Variants in RASSF8 observed in about 807,000 individuals in gnomAD.
RASSF8 encodes Ras association domain family member 8.
RASSF8 carries 22 observed loss-of-function variants against 48.5 expected under a neutral mutation model. The observed-to-expected ratio is 0.45, with a 90% CI of 0.32 to 0.65. The LOEUF (loss-of-function observed/expected upper bound fraction) is 0.65, where lower values mean the gene tolerates loss of function less well. Ranked by LOEUF, RASSF8 falls within the 30% of genes least tolerant of loss-of-function variation. RASSF8 has a pLI of 0.03. For missense variants in RASSF8, 418 were observed against 489.2 expected, an observed-to-expected ratio of 0.85 and a Z score of 1.37; for synonymous variants, 127 against 171.5, an observed-to-expected ratio of 0.74 and a Z score of 2.03.
At chr12:25,967,896 T>G (rs1358489532) in intron 1 of RASSF8, among the ~76,000 whole-genome samples, 1 of 152,216 alleles carries the variant, frequency 6.6e-6, no homozygotes, top group African/African-American at 2.4e-5. Flanking sequence ...GTTCAAGTCA[T>G]GCAAGGATGG....
At chr12:26,033,737 A>G (rs945393330) in intron 2 of RASSF8, among the ~76,000 whole-genome samples, 5 of 152,130 alleles carry the variant, frequency 3.3e-5, no homozygotes, top group Non-Finnish European at 5.9e-5. Flanking sequence ...TGCATTTAAT[A>G]TGCACATCTG....
At chr12:25,985,496 G>C (rs1250303172) in intron 1 of RASSF8, among the ~76,000 whole-genome samples, 1 of 152,162 alleles carries the variant, frequency 6.6e-6, no homozygotes, top group Non-Finnish European at 1.5e-5. Flanking sequence ...CAGTTCATCT[G>C]GCCAGGGCCT....
At chr12:26,029,125 A>G (rs1012901844) in intron 2 of RASSF8, among the ~76,000 whole-genome samples, 2 of 152,144 alleles carry the variant, frequency 1.3e-5, no homozygotes, top group South Asian at 2.1e-4. Context: ...TCTCTCTTCT[A>G]CCAGGGAACT....
At position 25,979,274 on chromosome 12, in the gene RASSF8, CAAG is replaced by C. The variant is rs1941682055; in HGVS notation, c.-202-15758_-202-15756del. Among the ~76,000 whole-genome samples, 4 of 151,780 alleles carry C rather than the reference CAAG, an allele frequency of 2.6e-5. No homozygotes were observed. The South Asian group carries it at 8.3e-4, about 32-fold the overall frequency. On this transcript the variant is annotated intron_variant, in intron 1 of 5. Coordinates refer to ENST00000689635, the MANE Select transcript of RASSF8 (RefSeq NM_001394098.1). Reference sequence around the variant, plus strand: ...GGGAGCTCTAGCAGCTGGCCCCAGGCAAGAAGAGAAGCTGAGAGAGAGAAAATG... The same window carrying C: ...GGGAGCTCTAGCAGCTGGCCCCAGGCAAGAGAAGCTGAGAGAGAGAAAATG...
chr12:26,058,542 A>G (rs200880280), intron 3 of RASSF8, among the ~76,000 whole-genome samples: 1,498 of 64,436 alleles, frequency 0.023, 9 homozygotes, highest in Non-Finnish European at 0.036. Context: ...GCGCGCGCAC[A>G]CACACACACA....
intron 2 of RASSF8, among the ~76,000 whole-genome samples, chr12:26,006,271 A>G (rs1469511395): frequency 6.6e-6 from 1 of 152,162 alleles, no homozygotes; most frequent in Non-Finnish European, 1.5e-5. Flanking sequence ...TATATCATCT[A>G]GAGTGATTAA....
intron 2 of RASSF8, among the ~76,000 whole-genome samples, chr12:26,047,752 G>A (rs763197989): frequency 2.6e-5 from 4 of 152,194 alleles, no homozygotes; most frequent in African/African-American, 9.7e-5. Context: ...CACCTGCCTG[G>A]GTCCCTTCAG....
intron 1 of RASSF8, among the ~76,000 whole-genome samples, chr12:25,979,243 G>C (rs1486955159): frequency 1.3e-5 from 2 of 152,104 alleles, no homozygotes; most frequent in Non-Finnish European, 2.9e-5. Flanking sequence ...AGAGAATCAA[G>C]CAGCAGGGAG....
intron 2 of RASSF8, among the ~76,000 whole-genome samples, chr12:26,001,535 A>T (rs954392362): frequency 6.6e-6 from 1 of 152,046 alleles, no homozygotes; most frequent in Non-Finnish European, 1.5e-5. Context: ...TTCCTATTCT[A>T]TAAGCTTTTT....
chr12:26,063,282 A>C (rs1418787887), intron 3 of RASSF8, among the ~76,000 whole-genome samples: 1 of 152,242 alleles, frequency 6.6e-6, no homozygotes, highest in Non-Finnish European at 1.5e-5. Context: ...ATATTTAAAA[A>C]GCATGTTCAA....
Position 26,069,386 on chromosome 12 carries a change from AC to A in RASSF8, c.*569del. 6.1e-6 allele frequency: 6 copies of A among 985,178 alleles called. No homozygotes were observed. Among genetic ancestry groups the A allele is most frequent in the Non-Finnish European group, 6.0e-6 (5 of 829,704 alleles). 61.0% of individuals were successfully genotyped at this position (985,178 alleles called of 1,614,324 possible). On this transcript the variant is annotated 3_prime_UTR_variant, in exon 6 of 6. Coordinates refer to ENST00000689635, the MANE Select transcript of RASSF8 (RefSeq NM_001394098.1). ...AAGCCACTTGCATTTGTTTTGTGAA[AC>A]TGTCCTAGCCATTGCTTAATTAGGT...
At chr12:25,981,323 C>T (rs1471582826) in intron 1 of RASSF8, among the ~76,000 whole-genome samples, 1 of 152,122 alleles carries the variant, frequency 6.6e-6, no homozygotes, top group East Asian at 1.9e-4. Flanking sequence ...GTTTATATAG[C>T]ATTTTCACTT....
intron 1 of RASSF8, among the ~76,000 whole-genome samples, chr12:25,973,301 G>A (rs1301487059): frequency 6.6e-6 from 1 of 152,106 alleles, no homozygotes; most frequent in East Asian, 1.9e-4. Context: ...CATATGAAGG[G>A]GAATTGAGAA....
intron 2 of RASSF8, among the ~76,000 whole-genome samples, chr12:26,053,746 G>C (rs1314695037): frequency 6.6e-6 from 1 of 152,204 alleles, no homozygotes; most frequent in Non-Finnish European, 1.5e-5. Flanking sequence ...TCATACAGGG[G>C]ATAATGAAAC....
At position 26,069,038 on chromosome 12, in the gene RASSF8, G is replaced by A. The variant is rs1407041854; in HGVS notation, c.*220G>A. On this transcript the variant is annotated 3_prime_UTR_variant, in exon 6 of 6. Coordinates refer to ENST00000689635, the MANE Select transcript of RASSF8 (RefSeq NM_001394098.1). ...TCAACAGTGTTGATATTTTTGTCCAGCAGCTATAATGCAAAGCCTTCGTTT... is the reference window on the plus strand; with the variant it reads ...TCAACAGTGTTGATATTTTTGTCCAACAGCTATAATGCAAAGCCTTCGTTT... The A allele has an allele frequency of 8.1e-7, 1 of 1,227,764 alleles. No homozygotes were observed. The highest frequency in any genetic ancestry group is 1.0e-6 in the Non-Finnish European group (1 of 979,918). The allele number at this position is 1,227,764 out of a possible 1,614,324, so 76.1% of individuals were successfully genotyped here. A position where few individuals can be genotyped will look rare whatever the true frequency, so the allele number is the denominator to read the frequency against.
In RASSF8 at chr12:26,070,365, A is replaced by C. The variant is rs977587033; in HGVS notation, c.*1547A>C. ...TCCTATGAAATTTTTAAGAATGGCT[A>C]TGAGACTGTATAGAAGCTTCTAGAG... On this transcript the variant is annotated 3_prime_UTR_variant, in exon 6 of 6. Transcript: ENST00000689635. 5 of 985,260 alleles carry C rather than the reference A, an allele frequency of 5.1e-6. No individual in the cohort carries two copies. The African/African-American group carries it at 8.7e-5, about 17-fold the overall frequency. 61.0% of individuals were successfully genotyped at this position (985,260 alleles called of 1,614,324 possible).
At chr12:26,023,444 C>T (rs936232876) in intron 2 of RASSF8, among the ~76,000 whole-genome samples, 1 of 152,120 alleles carries the variant, frequency 6.6e-6, no homozygotes. Flanking sequence ...GACTTCTCAT[C>T]GGAAACAATG....
At chr12:26,059,799 C>T (rs960613041) in intron 3 of RASSF8, among the ~76,000 whole-genome samples, 24 of 152,270 alleles carry the variant, frequency 1.6e-4, no homozygotes, top group African/African-American at 3.1e-4. Flanking sequence ...GCTGTGTTAA[C>T]GAACAGCTCC....
At chr12:26,054,450 T>C (rs1943558066) in intron 2 of RASSF8, among the ~76,000 whole-genome samples, 1 of 152,204 alleles carries the variant, frequency 6.6e-6, no homozygotes, top group Admixed American at 6.5e-5. Flanking sequence ...ACTCTTGTAA[T>C]TTAAGAAAAC....
Sources: gnomAD v4.1 joint callset for allele counts (sites outside exome capture counted in the v4.1 genomes callset) on GRCh38, gnomAD v4.1.1 for gene constraint, MANE v1.5 for transcripts, NCBI Gene and HGNC (gene_info 2026-07-23, HGNC 2026-07-21) for gene names.